PCOLCE2: variants seen among roughly 807,000 people sequenced by gnomAD.
The protein encoded by PCOLCE2 is procollagen C-endopeptidase enhancer 2, also known as procollagen C-proteinase enhancer 2.
A neutral mutation model predicts 47.0 loss-of-function variants in PCOLCE2; 42 were observed. The ratio of observed to expected loss-of-function variants is 0.89; its 90% CI spans 0.70 to 1.16. The LOEUF (loss-of-function observed/expected upper bound fraction) is 1.16, where lower values mean the gene tolerates loss of function less well. Among genes scored for constraint, PCOLCE2 ranks in the 50% most tolerant of loss-of-function variants. PCOLCE2 has a pLI of 0.00. For synonymous variants in PCOLCE2, 169 were observed against 191.7 expected (o/e 0.88, Z 0.98); for missense variants, 500 against 526.1 (o/e 0.95, Z 0.49).
intron 1 of PCOLCE2, among the ~76,000 whole-genome samples, chr3:142,888,430 A>G (rs73232772): frequency 0.079 from 12,029 of 152,214 alleles, 541 homozygotes; most frequent in Admixed American, 0.095. Context: ...TCTCTGGGCA[A>G]AGCCTCTCGG....
At chr3:142,864,834 C>T (rs1398094646) in intron 2 of PCOLCE2, among the ~76,000 whole-genome samples, 1 of 152,226 alleles carries the variant, frequency 6.6e-6, no homozygotes, top group Non-Finnish European at 1.5e-5. Context: ...TGAATTAGTA[C>T]TGCATACCTT....
At chr3:142,853,031 G>A (rs779784742) in intron 2 of PCOLCE2, among the ~76,000 whole-genome samples, 27 of 150,772 alleles carry the variant, frequency 1.8e-4, no homozygotes, top group Non-Finnish European at 3.4e-4. Context: ...ACTTGAGCCT[G>A]GGACATCAAA....
At chr3:142,888,545 G>A (rs976224546) in intron 1 of PCOLCE2, 7 of 382,188 alleles carry the variant, frequency 1.8e-5, no homozygotes, top group Non-Finnish European at 3.3e-5. Context: ...GTCAGATTAA[G>A]CCCCGCCACG....
At chr3:142,823,387 A>C (rs1937036501) in intron 7 of PCOLCE2, 145 bp downstream of exon 7, 1 of 567,294 alleles carries the variant, frequency 1.8e-6, no homozygotes, top group Admixed American at 3.5e-5. Flanking sequence ...CAATTTGACC[A>C]TTCTGGTGTA....
intron 2 of PCOLCE2, among the ~76,000 whole-genome samples, chr3:142,857,902 C>A (rs201221677): frequency 6.6e-6 from 1 of 152,210 alleles, no homozygotes; most frequent in Non-Finnish European, 1.5e-5. Flanking sequence ...GCCTCATCTA[C>A]CCCCCAGCCA....
chr3:142,882,893 G>C (rs1055700491), intron 2 of PCOLCE2, among the ~76,000 whole-genome samples: 2 of 152,038 alleles, frequency 1.3e-5, no homozygotes, highest in Admixed American at 1.3e-4. Context: ...TGTGATATTT[G>C]GTTTTAAGTT....
In PCOLCE2 at chr3:142,834,795, T is replaced by C. The variant is rs377228259; in HGVS notation, c.710+3975A>G. The stretch of plus-strand genomic sequence containing the variant: ...GGTCTCTAATATTATTTTCTTGTAC[T>C]GTCCTTACCTTGTTTTTGTGTCAGG... On this transcript the variant is annotated intron_variant, in intron 5 of 8. Transcript: ENST00000295992. Among the ~76,000 whole-genome samples the C allele has an allele frequency of 1.2e-4, 18 of 152,312 alleles. No homozygotes were observed. In the South Asian group the frequency reaches 2.7e-3, roughly 23 times the overall value.
chr3:142,818,216 C>A lies in PCOLCE2; in HGVS notation c.*119G>T. 1 of 961,782 alleles carries A rather than the reference C, an allele frequency of 1.0e-6. No individual in the cohort carries two copies. 59.6% of individuals were successfully genotyped at this position (961,782 alleles called of 1,614,324 possible). A position where few individuals can be genotyped will look rare whatever the true frequency, so the allele number is the denominator to read the frequency against. On this transcript the variant is annotated 3_prime_UTR_variant, in exon 9 of 9. Coordinates refer to ENST00000295992, the MANE Select transcript of PCOLCE2 (RefSeq NM_013363.4). ...CATCATGTGAAGAGTCAACCAGTCCCATCTTTCGGAATCCTCTTTCAGAAT... is the reference window on the plus strand; with the variant it reads ...CATCATGTGAAGAGTCAACCAGTCCAATCTTTCGGAATCCTCTTTCAGAAT...
intron 5 of PCOLCE2, among the ~76,000 whole-genome samples, chr3:142,835,627 T>C (rs35272944): frequency 0.35 from 52,934 of 151,794 alleles, 9,885 homozygotes; most frequent in Non-Finnish European, 0.42. Context: ...GATACATTTC[T>C]ACCATCTTAT....
At chr3:142,822,967 A>G (rs1016473660) in intron 7 of PCOLCE2, among the ~76,000 whole-genome samples, 3 of 152,250 alleles carry the variant, frequency 2.0e-5, no homozygotes, top group Admixed American at 6.5e-5. Context: ...GCTATCATAG[A>G]TGGTGCAATC....
intron 2 of PCOLCE2, among the ~76,000 whole-genome samples, chr3:142,860,424 T>C (rs764027985): frequency 3.4e-5 from 5 of 148,902 alleles, no homozygotes; most frequent in Non-Finnish European, 5.9e-5. Flanking sequence ...ATAATTGCCT[T>C]TTTGTTGTTG....
At chr3:142,840,192 G>C (rs1336917389) in intron 4 of PCOLCE2, among the ~76,000 whole-genome samples, 2 of 152,170 alleles carry the variant, frequency 1.3e-5, no homozygotes, top group Non-Finnish European at 2.9e-5. Context: ...TGAAGAGGTT[G>C]CACAGAAGCA....
At chr3:142,821,160 A>C in intron 7 of PCOLCE2, 115 bp from the exon 8 acceptor site, 1 of 786,578 alleles carries the variant, frequency 1.3e-6, no homozygotes, top group Non-Finnish European at 2.0e-6. Flanking sequence ...ATGTTAAAGA[A>C]AAGGCCCTCA....
At position 142,823,574 on chromosome 3, in the gene PCOLCE2, G is replaced by A. The variant is rs749513617; in HGVS notation, c.907C>T (p.Arg303Trp). 47 of 1,610,584 alleles carry A rather than the reference G, an allele frequency of 2.9e-5. No homozygotes were observed. Among genetic ancestry groups the A allele is most frequent in the African/African-American group, 6.7e-5 (5 of 74,792 alleles). Residue 303 changes from arginine to tryptophan, a missense_variant, in exon 7 of 9, where the codon CGG (arginine) becomes TGG (tryptophan). Physicochemically the swap from Arg to Trp is moderately radical, Grantham distance 101. Transcript: ENST00000295992. Reference protein sequence around the residue: ...TVALCQQKCRRTGTLEGNYCS... With the variant: ...TVALCQQKCRWTGTLEGNYCS... ...TAATTGCCCTCCAGAGTCCCCGTCC[G>A]TCTACACTTTTGTTGACACAAGGCC...
Position 142,889,075 on chromosome 3 carries a change from G to A in PCOLCE2, c.-179C>T, listed in dbSNP as rs1933775316. The A allele has an allele frequency of 2.6e-6, 1 of 383,582 alleles. No individual in the cohort carries two copies. The highest frequency in any genetic ancestry group is 4.6e-6 in the Non-Finnish European group (1 of 216,766). 23.8% of individuals were successfully genotyped at this position (383,582 alleles called of 1,614,324 possible). A position where few individuals can be genotyped will look rare whatever the true frequency, so the allele number is the denominator to read the frequency against. On this transcript the variant is annotated 5_prime_UTR_variant, in exon 1 of 9. Coordinates refer to ENST00000295992, the MANE Select transcript of PCOLCE2 (RefSeq NM_013363.4). ...CCGCCGCGGGGCGGCCCAGGTAGCC[G>A]GGGGATACGCGGCCGGCAGGGCGGA... is the stretch of plus-strand genomic sequence containing the variant.
intron 2 of PCOLCE2, among the ~76,000 whole-genome samples, chr3:142,862,178 G>C (rs1933192940): frequency 6.6e-6 from 1 of 152,154 alleles, no homozygotes; most frequent in Admixed American, 6.5e-5. Flanking sequence ...AGGTGGAGGA[G>C]GGAACCTGTA....
At chr3:142,874,942 T>G (rs797012158) in intron 2 of PCOLCE2, among the ~76,000 whole-genome samples, 3 of 152,354 alleles carry the variant, frequency 2.0e-5, no homozygotes, top group African/African-American at 7.2e-5. Flanking sequence ...AATTCCCTTC[T>G]GACTTCATAA....
chr3:142,860,537 T>A (rs1007721361), intron 2 of PCOLCE2, among the ~76,000 whole-genome samples: 4 of 152,256 alleles, frequency 2.6e-5, no homozygotes, highest in Admixed American at 6.5e-5. Flanking sequence ...GCCCCCCAAG[T>A]AGCTGGGATT....
intron 3 of PCOLCE2, among the ~76,000 whole-genome samples, chr3:142,844,756 C>T (rs770914450): frequency 3.9e-5 from 6 of 152,132 alleles, no homozygotes; most frequent in East Asian, 1.9e-4. Flanking sequence ...ACCTTTTTAT[C>T]GTTGAGTTGT....
Sources: gnomAD v4.1 joint callset for allele counts (sites outside exome capture counted in the v4.1 genomes callset) on GRCh38, gnomAD v4.1.1 for gene constraint, MANE v1.5 for transcripts, NCBI Gene and HGNC (gene_info 2026-07-23, HGNC 2026-07-21) for gene names.